MANEA: variants seen among roughly 807,000 people sequenced by gnomAD.
MANEA encodes the protein glycoprotein endo-alpha-1,2-mannosidase.
MANEA carries 25 observed loss-of-function variants against 36.8 expected under a neutral mutation model. The observed-to-expected ratio is 0.68, with a 90% confidence interval of 0.50 to 0.95. MANEA has a LOEUF of 0.95. Among genes scored for constraint, MANEA ranks in the 40% least tolerant of loss-of-function variants. The probability of loss-of-function intolerance (pLI) is 0.00; values close to 1 mark genes in which losing one functional copy is unlikely to be tolerated. For missense variants in MANEA, 565 were observed against 558.8 expected (o/e 1.01, Z -0.11); for synonymous variants, 198 against 188.5 (o/e 1.05, Z -0.41).
rs568109128 is a variant in MANEA, at chr6:95,579,641, T to C, written c.-39+2003T>C. ...TTTAGTTAATTGAAAGGGAAGTCTT[T>C]TTGGCTTTTGTGAGTTACATGATAA... On this transcript the variant is annotated intron_variant, in intron 1 of 4. Coordinates refer to ENST00000358812, the MANE Select transcript of MANEA (RefSeq NM_024641.4). Among the ~76,000 whole-genome samples the C allele has an allele frequency of 2.0e-5, 3 of 152,342 alleles. No individual in the cohort carries two copies. The South Asian group carries it at 6.2e-4, about 32-fold the overall frequency.
intron 2 of MANEA, chr6:95,587,386 C>T (rs1769309816): frequency 5.5e-6 from 1 of 183,222 alleles, no homozygotes; most frequent in Non-Finnish European, 1.2e-5. Flanking sequence ...CAAAAAGTCT[C>T]ATCATAATTC....
At chr6:95,600,694 C>A (rs1447554718) in intron 3 of MANEA, among the ~76,000 whole-genome samples, 1 of 152,098 alleles carries the variant, frequency 6.6e-6, no homozygotes, top group African/African-American at 2.4e-5. Flanking sequence ...ATTGGAGCCT[C>A]CAATGCACAT....
In MANEA at chr6:95,577,556, G is replaced by T. The variant is rs1044571775; in HGVS notation, c.-121G>T. ...GGAGGAGGGGCTGTCTGGGCTCGGG[G>T]CGCGGCGGCAGTCAGCTCTATGTTC... On this transcript the variant is annotated 5_prime_UTR_variant, in exon 1 of 5. Coordinates refer to ENST00000358812, the MANE Select transcript of MANEA (RefSeq NM_024641.4). 1 of 152,400 alleles carries T rather than the reference G, an allele frequency of 6.6e-6. No homozygotes were observed. Among genetic ancestry groups the T allele is most frequent in the East Asian group, 1.9e-4 (1 of 5,206 alleles). The allele number at this position is 152,400 out of a possible 1,614,324, so 9.4% of individuals were successfully genotyped here.
At chr6:95,593,206 G>A (rs1432412992) in intron 2 of MANEA, among the ~76,000 whole-genome samples, 1 of 152,158 alleles carries the variant, frequency 6.6e-6, no homozygotes, top group Non-Finnish European at 1.5e-5. Flanking sequence ...CTCCTCAGAA[G>A]TACGACAATC....
intron 3 of MANEA, among the ~76,000 whole-genome samples, chr6:95,599,899 A>G (rs1388560822): frequency 5.3e-5 from 8 of 152,158 alleles, no homozygotes; most frequent in Non-Finnish European, 1.0e-4. Context: ...AAATCTGCAA[A>G]TAGGCAAGCC....
At position 95,607,084 on chromosome 6, in the gene MANEA, G is replaced by A. The variant is rs1260050783; in HGVS notation, c.*679G>A. 3 of 152,088 alleles carry A rather than the reference G, an allele frequency of 2.0e-5. No individual in the cohort carries two copies. Among genetic ancestry groups the A allele is most frequent in the African/African-American group, 7.2e-5 (3 of 41,412 alleles). The allele number at this position is 152,088 out of a possible 1,614,324, so 9.4% of individuals were successfully genotyped here. ...CGGCCTGCTATCTACAGCACAGTGT[G>A]TCATTTGCAGATTTGTGGTTACCTA... On this transcript the variant is annotated 3_prime_UTR_variant, in exon 5 of 5. Transcript: ENST00000358812.
chr6:95,607,299 TTTAAG>T lies in MANEA; in HGVS notation c.*897_*901del, dbSNP rs1240979838. 4 of 152,096 alleles carry T rather than the reference TTTAAG, an allele frequency of 2.6e-5. No individual in the cohort carries two copies. The highest frequency in any genetic ancestry group is 5.9e-5 in the Non-Finnish European group (4 of 67,974). 9.4% of individuals were successfully genotyped at this position (152,096 alleles called of 1,614,324 possible). On this transcript the variant is annotated 3_prime_UTR_variant, in exon 5 of 5. Transcript: ENST00000358812. Reference sequence around the variant, plus strand: ...TCATTTTTAGTATATCTTGTCGATCTTTAAGTTGTTACTATTGTGTTATTCATGTC... The same window carrying T: ...TCATTTTTAGTATATCTTGTCGATCTTTGTTACTATTGTGTTATTCATGTC...
At chr6:95,584,028 T>C (rs549095843) in intron 1 of MANEA, among the ~76,000 whole-genome samples, 41 of 152,292 alleles carry the variant, frequency 2.7e-4, no homozygotes, top group Admixed American at 2.0e-3. Flanking sequence ...CATTTATCAC[T>C]TCCCTAAGAA....
At chr6:95,579,755 T>G (rs181407776) in intron 1 of MANEA, among the ~76,000 whole-genome samples, 15 of 152,270 alleles carry the variant, frequency 9.9e-5, no homozygotes, top group African/African-American at 3.4e-4. Context: ...TCCAATAATT[T>G]TTTATTAGAC....
intron 3 of MANEA, among the ~76,000 whole-genome samples, chr6:95,602,150 T>A (rs1159368073): frequency 1.3e-5 from 2 of 152,210 alleles, no homozygotes; most frequent in Non-Finnish European, 2.9e-5. Context: ...TTAACTGTTG[T>A]TTGTTTTTGC....
chr6:95,600,899 A>G (rs912095760), intron 3 of MANEA, among the ~76,000 whole-genome samples: 2 of 152,208 alleles, frequency 1.3e-5, no homozygotes, highest in African/African-American at 4.8e-5. Context: ...TAGTCATTAA[A>G]TATTTTGTAA....
intron 1 of MANEA, among the ~76,000 whole-genome samples, chr6:95,585,931 G>A (rs151098924): frequency 0.025 from 3,773 of 152,188 alleles, 74 homozygotes; most frequent in Non-Finnish European, 0.035. Context: ...GGGAGGCTGA[G>A]ACAGGAGGAT....
At chr6:95,600,810 T>C (rs1769574484) in intron 3 of MANEA, among the ~76,000 whole-genome samples, 1 of 152,220 alleles carries the variant, frequency 6.6e-6, no homozygotes, top group South Asian at 2.1e-4. Context: ...ATGGAGAATT[T>C]TTAGGGAATG....
rs1265088135 is a variant in MANEA at position 95,586,690 on chromosome 6, A to C, written c.251A>C (p.Lys84Thr). 20 of 1,613,938 alleles carry C rather than the reference A, an allele frequency of 1.2e-5. No individual in the cohort carries two copies. The South Asian group carries it at 2.2e-4, about 18-fold the overall frequency. Residue 84 changes from lysine (K) to threonine (T), a missense_variant, in exon 2 of 5, where the codon AAA becomes ACA. Coordinates refer to ENST00000358812, the MANE Select transcript of MANEA (RefSeq NM_024641.4). The stretch of plus-strand genomic sequence containing the variant: ...TTAAAAAGTGTTGAAATCACTATGA[A>C]ACCTTCCAAAGCCTCTGAACTTAAC... ...KNLKSVEITMKPSKASELNLD... is the reference protein window; with the variant it reads ...KNLKSVEITMTPSKASELNLD...
chr6:95,606,421 T>G lies in MANEA; in HGVS notation c.*16T>G, dbSNP rs770010197. 1 of 1,531,998 alleles carries G rather than the reference T, an allele frequency of 6.5e-7. No homozygotes were observed. Among genetic ancestry groups the G allele is most frequent in the Non-Finnish European group, 8.7e-7 (1 of 1,147,212 alleles). The allele number at this position is 1,531,998 out of a possible 1,614,324, so 94.9% of individuals were successfully genotyped here. A position where few individuals can be genotyped will look rare whatever the true frequency, so the allele number is the denominator to read the frequency against. On this transcript the variant is annotated 3_prime_UTR_variant, in exon 5 of 5. Coordinates refer to ENST00000358812, the MANE Select transcript of MANEA (RefSeq NM_024641.4). ...TGTTTCTTAATGCATTGATTAAAGTTTAATAGTTATCAAAATCACCTAATT... is the reference window on the plus strand; with the variant it reads ...TGTTTCTTAATGCATTGATTAAAGTGTAATAGTTATCAAAATCACCTAATT...
chr6:95,596,152 A>G (rs1252153296), intron 2 of MANEA, among the ~76,000 whole-genome samples: 1 of 152,130 alleles, frequency 6.6e-6, no homozygotes, highest in African/African-American at 2.4e-5. Context: ...AATTATAGGC[A>G]GCAAAAAGCT....
intron 1 of MANEA, among the ~76,000 whole-genome samples, chr6:95,582,028 T>C (rs1172066946): frequency 2.0e-5 from 3 of 152,100 alleles, no homozygotes; most frequent in Non-Finnish European, 2.9e-5. Context: ...GTAGTTGATA[T>C]ATTACATCCA....
chr6:95,598,833 T>G lies in MANEA; in HGVS notation c.654+1987T>G, dbSNP rs180723993. 9.9e-5 allele frequency among the ~76,000 whole-genome samples: 15 copies of G among 152,260 alleles called. No individual in the cohort carries two copies. In the East Asian group the frequency reaches 1.7e-3, roughly 18 times the overall value. On this transcript the variant is annotated intron_variant, in intron 3 of 4. Transcript: ENST00000358812. ...ACTAATCTTACCAATGAAAATAGAT[T>G]CAAAATTCCTAGAGGGAATTTTGAG...
Position 95,606,325 on chromosome 6 carries a change from G to C in MANEA, c.1309G>C (p.Glu437Gln). Residue 437 changes from glutamate to glutamine, a missense_variant, in exon 5 of 5, where the codon GAA becomes CAA. Transcript: ENST00000358812. ...TCCTCATAAACCAGGTCTTTACCTA[G>C]AACTGACTCGCAAGTGGTCTGAAAA... ...YRPHKPGLYL[E>Q]LTRKWSEKYS... 1 of 1,610,452 alleles carries C rather than the reference G, an allele frequency of 6.2e-7. No homozygotes were observed. Among genetic ancestry groups the C allele is most frequent in the Admixed American group, 1.7e-5 (1 of 59,994 alleles).
Sources: allele counts gnomAD v4.1 joint callset (sites outside exome capture counted in the v4.1 genomes callset), GRCh38; gene constraint gnomAD v4.1.1; transcripts MANE v1.5; gene names NCBI Gene and HGNC (gene_info 2026-07-23, HGNC 2026-07-21).